The following UBE2E2 variants were observed in gnomAD, a reference collection of about 807,000 sequenced individuals.
UBE2E2 encodes ubiquitin-conjugating enzyme E2 E2.
UBE2E2 carries 6 observed loss-of-function variants against 24.7 expected under a neutral mutation model. The ratio of observed to expected loss-of-function variants is 0.24; its 90% CI spans 0.13 to 0.48. The LOEUF (loss-of-function observed/expected upper bound fraction) is 0.48, where lower values mean the gene tolerates loss of function less well. UBE2E2 is among the 20% of genes least tolerant of loss of function. The probability of loss-of-function intolerance (pLI) is 0.99; values close to 1 mark genes in which losing one functional copy is unlikely to be tolerated. For missense variants in UBE2E2, 169 were observed against 245.0 expected (o/e 0.69, Z 2.07); for synonymous variants, 104 against 83.6 (o/e 1.24, Z -1.33).
At chr3:23,338,378 G>C (rs1433844227) in intron 3 of UBE2E2, among the ~76,000 whole-genome samples, 1 of 152,112 alleles carries the variant, frequency 6.6e-6, no homozygotes, top group Non-Finnish European at 1.5e-5. Context: ...ATGAACCTTG[G>C]ATTAGAATTT....
intron 5 of UBE2E2, among the ~76,000 whole-genome samples, chr3:23,587,296 A>C (rs1696647037): frequency 6.6e-6 from 1 of 152,140 alleles, no homozygotes; most frequent in Admixed American, 6.6e-5. Context: ...CCCACCCCAC[A>C]GCTTCTTGTT....
intron 3 of UBE2E2, among the ~76,000 whole-genome samples, chr3:23,322,331 T>G (rs1279660411): frequency 1.3e-5 from 2 of 152,198 alleles, no homozygotes; most frequent in African/African-American, 4.8e-5. Context: ...TAAAAAACTT[T>G]AAATACATTT....
chr3:23,257,964 C>T (rs1396975077), intron 3 of UBE2E2, among the ~76,000 whole-genome samples: 1 of 151,696 alleles, frequency 6.6e-6, no homozygotes, highest in Admixed American at 6.6e-5. Context: ...AAATTATCTT[C>T]CTAGGAGAGG....
intron 3 of UBE2E2, among the ~76,000 whole-genome samples, chr3:23,246,537 G>A (rs1237192823): frequency 6.6e-6 from 1 of 151,560 alleles, no homozygotes; most frequent in Non-Finnish European, 1.5e-5. Context: ...GCCCGGCCAT[G>A]CCTGGCTAAT....
intron 3 of UBE2E2, among the ~76,000 whole-genome samples, chr3:23,228,876 C>G (rs1696897015): frequency 6.6e-6 from 1 of 152,218 alleles, no homozygotes; most frequent in Non-Finnish European, 1.5e-5. Flanking sequence ...TCTCTCCACA[C>G]ACTTTCGCCT....
chr3:23,574,876 C>T (rs1193274147), intron 5 of UBE2E2, among the ~76,000 whole-genome samples: 4 of 152,150 alleles, frequency 2.6e-5, no homozygotes, highest in Non-Finnish European at 5.9e-5. Flanking sequence ...TGCTTGTTAC[C>T]AAGTCATTTT....
Position 23,570,129 on chromosome 3 carries a change from C to T in UBE2E2, c.509-19605C>T, listed in dbSNP as rs529725124. ...ATCTTCTTTCTACTCCATCAAAATG[C>T]GAGGAACATGGTCTGGTACCTCCTT... On this transcript the variant is annotated intron_variant, in intron 5 of 5. Transcript: ENST00000396703. 3.9e-5 allele frequency among the ~76,000 whole-genome samples: 6 copies of T among 152,250 alleles called. No homozygotes were observed. The South Asian group carries it at 1.0e-3, about 26-fold the overall frequency.
intron 3 of UBE2E2, among the ~76,000 whole-genome samples, chr3:23,277,408 C>G (rs1698396020): frequency 6.6e-6 from 1 of 152,040 alleles, no homozygotes; most frequent in Non-Finnish European, 1.5e-5. Context: ...TGATTTCCTG[C>G]AGGCTTCAAG....
At chr3:23,574,176 C>A (rs1205571104) in intron 5 of UBE2E2, among the ~76,000 whole-genome samples, 1 of 151,960 alleles carries the variant, frequency 6.6e-6, no homozygotes, top group East Asian at 1.9e-4. Flanking sequence ...AAATTAAAAC[C>A]ACTGAACTCA....
chr3:23,556,579 T>C (rs1389449148), intron 5 of UBE2E2, among the ~76,000 whole-genome samples: 1 of 151,904 alleles, frequency 6.6e-6, no homozygotes, highest in Admixed American at 6.6e-5. Context: ...AGATTTAAGA[T>C]GAAAGCGGTA....
intron 4 of UBE2E2, 118 bp downstream of exon 4, chr3:23,499,858 C>T (rs1699682128): frequency 1.6e-6 from 2 of 1,230,002 alleles, no homozygotes; most frequent in Non-Finnish European, 2.2e-6. Flanking sequence ...CAGACAGCTT[C>T]CCAGGATTGA....
intron 3 of UBE2E2, among the ~76,000 whole-genome samples, chr3:23,335,943 G>A (rs1377060125): frequency 6.6e-6 from 1 of 152,124 alleles, no homozygotes; most frequent in African/African-American, 2.4e-5. Flanking sequence ...AACATAATAA[G>A]TAGGGTAAGC....
chr3:23,406,838 C>T (rs920656827), intron 3 of UBE2E2, among the ~76,000 whole-genome samples: 4 of 152,178 alleles, frequency 2.6e-5, no homozygotes, highest in Non-Finnish European at 4.4e-5. Context: ...CAGCCAGCAA[C>T]ACTTGATACC....
At chr3:23,299,077 G>A (rs937736131) in intron 3 of UBE2E2, among the ~76,000 whole-genome samples, 1 of 152,214 alleles carries the variant, frequency 6.6e-6, no homozygotes, top group Non-Finnish European at 1.5e-5. Context: ...TATTTGCATA[G>A]AGGTGTTTAT....
At chr3:23,438,444 T>C (rs1281724580) in intron 3 of UBE2E2, among the ~76,000 whole-genome samples, 1 of 152,226 alleles carries the variant, frequency 6.6e-6, no homozygotes, top group Non-Finnish European at 1.5e-5. Flanking sequence ...CTGTATTTTC[T>C]GTAGTGATAG....
intron 3 of UBE2E2, among the ~76,000 whole-genome samples, chr3:23,366,671 T>G (rs1305411899): frequency 6.6e-6 from 1 of 152,056 alleles, no homozygotes; most frequent in Non-Finnish European, 1.5e-5. Context: ...GGTACTATGC[T>G]TATTACCTGG....
chr3:23,435,023 A>G (rs532168029), intron 3 of UBE2E2, among the ~76,000 whole-genome samples: 9 of 152,306 alleles, frequency 5.9e-5, no homozygotes, highest in Admixed American at 3.3e-4. Context: ...TATTTTCCCA[A>G]AACTCTTGTT....
chr3:23,416,829 G>T (rs565530847), intron 3 of UBE2E2, among the ~76,000 whole-genome samples: 2 of 151,902 alleles, frequency 1.3e-5, no homozygotes, highest in African/African-American at 4.8e-5. Context: ...CTTTTCTTCT[G>T]CTTGATCAAT....
At chr3:23,568,552 G>A (rs1285327355) in intron 5 of UBE2E2, among the ~76,000 whole-genome samples, 1 of 149,950 alleles carries the variant, frequency 6.7e-6, no homozygotes, top group Admixed American at 6.7e-5. Flanking sequence ...TCTCTGGCTG[G>A]CAGAAACAAA....
Sources: gnomAD v4.1 joint callset for allele counts (sites outside exome capture counted in the v4.1 genomes callset) on GRCh38, gnomAD v4.1.1 for gene constraint, MANE v1.5 for transcripts, NCBI Gene and HGNC (gene_info 2026-07-23, HGNC 2026-07-21) for gene names.